Variants in COG7 observed in about 807,000 individuals in gnomAD.
The protein encoded by COG7 is conserved oligomeric Golgi complex subunit 7.
Under a neutral mutation model 91.5 loss-of-function variants are expected in COG7, and 49 were observed. The observed-to-expected ratio is 0.54, with a 90% CI of 0.43 to 0.68. COG7 has a LOEUF of 0.68. Among genes scored for constraint, COG7 ranks in the 30% least tolerant of loss-of-function variants. COG7 has a pLI of 0.00. For missense variants in COG7, 895 were observed against 961.3 expected (o/e 0.93, Z 0.91); for synonymous variants, 365 against 388.7 (o/e 0.94, Z 0.72).
chr16:23,389,669 G>A (rs1963157801), intron 16 of COG7, among the ~76,000 whole-genome samples: 1 of 152,208 alleles, frequency 6.6e-6, no homozygotes, highest in African/African-American at 2.4e-5. Context: ...CCGCAGTGAA[G>A]ACAAGGACAG....
chr16:23,419,988 A>C (rs1266099835), intron 7 of COG7, among the ~76,000 whole-genome samples: 1 of 151,592 alleles, frequency 6.6e-6, no homozygotes, highest in Non-Finnish European at 1.5e-5. Flanking sequence ...AAATACAAAA[A>C]AAATTTAGCT....
At chr16:23,426,897 C>T (rs925236878) in intron 6 of COG7, among the ~76,000 whole-genome samples, 2 of 150,838 alleles carry the variant, frequency 1.3e-5, no homozygotes, top group Non-Finnish European at 2.9e-5. Context: ...TATCTCTGTT[C>T]ACAGATGACA....
Position 23,433,754 on chromosome 16 carries a change from T to C in COG7, c.688-87A>G. 5 of 1,542,388 alleles carry C rather than the reference T, an allele frequency of 3.2e-6. No homozygotes were observed. In the Admixed American group the frequency reaches 8.6e-5, roughly 26 times the overall value. ...TGCCCTGCCCTGCTACCCAGCGTAA[T>C]CACGGATTGCTCAATGGGCTCACTG... On this transcript the variant is annotated intron_variant, in intron 5 of 16. Coordinates refer to ENST00000307149, the MANE Select transcript of COG7 (RefSeq NM_153603.4).
intron 12 of COG7, among the ~76,000 whole-genome samples, chr16:23,404,901 C>A (rs144093225): frequency 1.3e-4 from 20 of 152,290 alleles, no homozygotes; most frequent in African/African-American, 4.6e-4. Flanking sequence ...GCCTAGGCGA[C>A]AGAGTGAGAC....
At chr16:23,444,255 A>C (rs1964148242) in intron 3 of COG7, among the ~76,000 whole-genome samples, 1 of 152,102 alleles carries the variant, frequency 6.6e-6, no homozygotes, top group African/African-American at 2.4e-5. Context: ...TGCATTTGTA[A>C]CTTTTTAAAA....
intron 11 of COG7, among the ~76,000 whole-genome samples, chr16:23,406,757 C>T: frequency 6.6e-6 from 1 of 152,184 alleles, no homozygotes; most frequent in East Asian, 1.9e-4. Flanking sequence ...GTCCTACATG[C>T]CGAGCTTGCA....
intron 5 of COG7, among the ~76,000 whole-genome samples, chr16:23,434,146 G>A (rs1361792440): frequency 6.6e-6 from 1 of 152,158 alleles, no homozygotes; most frequent in African/African-American, 2.4e-5. Context: ...GGAGTGGCAC[G>A]CGCCTGTAGT....
intron 12 of COG7, 69 bp downstream of exon 12, chr16:23,406,007 G>A: frequency 1.4e-6 from 2 of 1,446,324 alleles, no homozygotes; most frequent in Non-Finnish European, 1.9e-6. Flanking sequence ...CTGTAACCCA[G>A]AGAGGGAGAG....
chr16:23,434,535 GAC>G (rs1963983997), intron 5 of COG7, 99 bp downstream of exon 5: 1 of 903,246 alleles, frequency 1.1e-6, no homozygotes, highest in African/African-American at 1.6e-5. Context: ...AGGGCAAGGA[GAC>G]AAATGTTCTT....
intron 1 of COG7, among the ~76,000 whole-genome samples, chr16:23,450,925 G>T (rs1467333541): frequency 3.9e-5 from 6 of 152,142 alleles, no homozygotes; most frequent in Non-Finnish European, 7.4e-5. Context: ...CGGGCACAGT[G>T]GCTCATGCCT....
chr16:23,419,172 G>A (rs561789477), intron 7 of COG7, among the ~76,000 whole-genome samples: 3 of 152,292 alleles, frequency 2.0e-5, no homozygotes, highest in South Asian at 4.1e-4. Context: ...TTGGGAGGCC[G>A]AGGCGGGCGG....
intron 6 of COG7, among the ~76,000 whole-genome samples, chr16:23,432,215 G>T (rs1254427763): frequency 2.0e-5 from 3 of 152,104 alleles, no homozygotes; most frequent in Admixed American, 2.0e-4. Context: ...AACAAGGATG[G>T]AGAAAAGTGC....
rs1963145180 is a variant in COG7, at chr16:23,389,103, G to A, written c.2147-17C>T. 1 of 1,612,412 alleles carries A rather than the reference G, an allele frequency of 6.2e-7. No individual in the cohort carries two copies. Among genetic ancestry groups the A allele is most frequent in the Admixed American group, 1.7e-5 (1 of 59,916 alleles). On this transcript the variant is annotated splice_polypyrimidine_tract_variant and intron_variant, in intron 16 of 16. Transcript: ENST00000307149. Reference sequence around the variant, plus strand: ...TCAGATAGTCTGTGGGGGCGGAGAGGAGACAGACAGAGCTCCACAGACTCA... The same window carrying A: ...TCAGATAGTCTGTGGGGGCGGAGAGAAGACAGACAGAGCTCCACAGACTCA...
At chr16:23,399,318 C>A (rs1240719973) in intron 13 of COG7, among the ~76,000 whole-genome samples, 1 of 152,146 alleles carries the variant, frequency 6.6e-6, no homozygotes, top group Non-Finnish European at 1.5e-5. Flanking sequence ...TTTGTTCTTG[C>A]CTGCGAATGC....
At chr16:23,393,853 C>T (rs990196173) in intron 14 of COG7, among the ~76,000 whole-genome samples, 2 of 151,856 alleles carry the variant, frequency 1.3e-5, no homozygotes, top group African/African-American at 4.8e-5. Flanking sequence ...ACCAGCCTGG[C>T]CAACATGGTG....
intron 1 of COG7, among the ~76,000 whole-genome samples, chr16:23,449,212 A>T (rs1374753141): frequency 6.6e-6 from 1 of 151,612 alleles, no homozygotes; most frequent in Non-Finnish European, 1.5e-5. Context: ...AAATACAAAA[A>T]ATTAGCCAGG....
chr16:23,435,785 C>G (rs550536733), intron 4 of COG7, among the ~76,000 whole-genome samples: 1 of 152,382 alleles, frequency 6.6e-6, no homozygotes, highest in South Asian at 2.1e-4. Flanking sequence ...GTTGTAACAG[C>G]AACCGCTGTG....
intron 1 of COG7, among the ~76,000 whole-genome samples, chr16:23,447,531 G>A (rs912910018): frequency 1.3e-5 from 2 of 151,634 alleles, no homozygotes; most frequent in Non-Finnish European, 1.5e-5. Flanking sequence ...ACTCTTTAAT[G>A]TGACACTGAA....
chr16:23,410,267 G>A (rs755081202), intron 11 of COG7, 28 bp downstream of exon 11: 5 of 1,594,032 alleles, frequency 3.1e-6, no homozygotes, highest in Non-Finnish European at 4.3e-6. Context: ...ACCCCAGGGT[G>A]TAGAGGACAA....
Sources: gnomAD v4.1 joint callset for allele counts (sites outside exome capture counted in the v4.1 genomes callset) on GRCh38, gnomAD v4.1.1 for gene constraint, MANE v1.5 for transcripts, NCBI Gene and HGNC (gene_info 2026-07-23, HGNC 2026-07-21) for gene names.